The following AMBRA1 variants were observed in gnomAD, a reference collection of about 807,000 sequenced individuals.
The protein encoded by AMBRA1 is activating molecule in BECN1-regulated autophagy protein 1.
In AMBRA1, 47 loss-of-function variants were observed where a neutral mutation model predicts 125.4. That is an observed-to-expected ratio of 0.37 (90% CI 0.30 to 0.48). The LOEUF (loss-of-function observed/expected upper bound fraction) is 0.48. Ranked by LOEUF, AMBRA1 falls within the 20% of genes least tolerant of loss-of-function variation. The probability of loss-of-function intolerance (pLI) is 0.99; values close to 1 mark genes in which losing one functional copy is unlikely to be tolerated. For synonymous variants in AMBRA1, 626 were observed against 655.5 expected, an observed-to-expected ratio of 0.95 and a Z score of 0.69; for missense variants, 1,331 against 1,693.4, an observed-to-expected ratio of 0.79 and a Z score of 3.76.
chr11:46,564,160 A>AG (rs966392937), intron 1 of AMBRA1, among the ~76,000 whole-genome samples: 1 of 151,610 alleles, frequency 6.6e-6, no homozygotes, highest in African/African-American at 2.4e-5. Flanking sequence ...AAAAAAAAAA[A>AG]AAAACGTAAG....
chr11:46,444,110 A>C (rs952000877), intron 11 of AMBRA1, among the ~76,000 whole-genome samples: 4 of 152,230 alleles, frequency 2.6e-5, no homozygotes, highest in African/African-American at 7.2e-5. Flanking sequence ...GGGAAGAGGC[A>C]GCTACTATAC....
intron 1 of AMBRA1, among the ~76,000 whole-genome samples, chr11:46,582,732 C>T (rs1591186765): frequency 6.6e-6 from 1 of 152,024 alleles, no homozygotes; most frequent in Non-Finnish European, 1.5e-5. Context: ...AGAGTACTTA[C>T]GTCATAAGGT....
chr11:46,528,354 A>T (rs1952071571), intron 7 of AMBRA1, among the ~76,000 whole-genome samples: 1 of 152,158 alleles, frequency 6.6e-6, no homozygotes, highest in African/African-American at 2.4e-5. Flanking sequence ...TATTTTTAGT[A>T]CAAATGGAGT....
In AMBRA1 at chr11:46,397,400, C is replaced by G. The variant is rs748784289; in HGVS notation, c.*50G>C. Reference sequence around the variant, plus strand: ...TCCAGTTCCCAGTCAGCTGTGAGGTCCGGTTTCTGCTTGGCGGTTCGAGGG... The same window carrying G: ...TCCAGTTCCCAGTCAGCTGTGAGGTGCGGTTTCTGCTTGGCGGTTCGAGGG... On this transcript the variant is annotated 3_prime_UTR_variant, in exon 18 of 18. Transcript: ENST00000683756. The G allele has an allele frequency of 4.8e-6, 7 of 1,458,026 alleles. No homozygotes were observed. Among genetic ancestry groups the G allele is most frequent in the Non-Finnish European group, 6.3e-6 (7 of 1,103,926 alleles). 90.3% of individuals were successfully genotyped at this position (1,458,026 alleles called of 1,614,324 possible).
At chr11:46,466,262 A>C (rs1036192006) in intron 11 of AMBRA1, among the ~76,000 whole-genome samples, 1 of 151,906 alleles carries the variant, frequency 6.6e-6, no homozygotes, top group African/African-American at 2.4e-5. Flanking sequence ...CAGGAGAATC[A>C]CTTGAACCCA....
chr11:46,536,531 A>G (rs904070920), intron 7 of AMBRA1, among the ~76,000 whole-genome samples: 1 of 152,210 alleles, frequency 6.6e-6, no homozygotes, highest in Non-Finnish European at 1.5e-5. Context: ...CAGAAAAACT[A>G]CTAAATTTGG....
At chr11:46,486,145 T>C (rs934798763) in intron 11 of AMBRA1, among the ~76,000 whole-genome samples, 5 of 152,210 alleles carry the variant, frequency 3.3e-5, no homozygotes, top group Non-Finnish European at 7.3e-5. Flanking sequence ...CCACCACTAA[T>C]TGTCCATTTA....
At chr11:46,481,153 A>G (rs1950049144) in intron 11 of AMBRA1, among the ~76,000 whole-genome samples, 1 of 152,150 alleles carries the variant, frequency 6.6e-6, no homozygotes, top group South Asian at 2.1e-4. Flanking sequence ...CCGTCCCCAG[A>G]CTGATAAGAG....
chr11:46,455,346 G>A (rs1948803968), intron 11 of AMBRA1, among the ~76,000 whole-genome samples: 1 of 152,080 alleles, frequency 6.6e-6, no homozygotes, highest in Non-Finnish European at 1.5e-5. Flanking sequence ...TCTCTCCCCA[G>A]TCCCTGGTCA....
In AMBRA1 at chr11:46,543,348, G is replaced by A; in HGVS notation, c.669C>T (p.Tyr223=). 6.2e-7 allele frequency: 1 copy of A among 1,614,042 alleles called. No individual in the cohort carries two copies. The highest frequency in any genetic ancestry group is 8.5e-7 in the Non-Finnish European group (1 of 1,179,968). Reference sequence around the variant, plus strand: ...GTGATTGCAGGAGGGCACGCTGACGGTAGTGGGATAATTCTGTTCCATCTA... The same window carrying A: ...GTGATTGCAGGAGGGCACGCTGACGATAGTGGGATAATTCTGTTCCATCTA... ...IPIDGTELSH[Y]RQRALLQSQP... is the part of the protein sequence containing the mutation. Residue 223 remains tyrosine (Y), a synonymous_variant, in exon 7 of 18, where the codon TAC becomes TAT. Transcript: ENST00000683756.
chr11:46,419,576 C>T (rs753963704), intron 14 of AMBRA1, among the ~76,000 whole-genome samples: 8 of 152,128 alleles, frequency 5.3e-5, no homozygotes, highest in Admixed American at 1.3e-4. Context: ...CCTATGAAAA[C>T]GACAGGAAGC....
intron 11 of AMBRA1, among the ~76,000 whole-genome samples, chr11:46,480,617 A>G (rs1267234157): frequency 1.3e-5 from 2 of 152,242 alleles, no homozygotes. Flanking sequence ...ATAAAACAAA[A>G]TAATTCATTT....
intron 11 of AMBRA1, among the ~76,000 whole-genome samples, chr11:46,486,889 G>A (rs994736141): frequency 6.6e-6 from 1 of 150,764 alleles, no homozygotes; most frequent in African/African-American, 2.4e-5. Flanking sequence ...CTGGGTGACA[G>A]AACAAGACTC....
At chr11:46,525,706 G>A (rs569380255) in intron 7 of AMBRA1, among the ~76,000 whole-genome samples, 41 of 151,352 alleles carry the variant, frequency 2.7e-4, no homozygotes, top group Non-Finnish European at 4.9e-4. Flanking sequence ...ACCCGAGATC[G>A]TGCCACTGCA....
intron 11 of AMBRA1, among the ~76,000 whole-genome samples, chr11:46,468,487 A>G (rs568082701): frequency 6.6e-6 from 1 of 152,190 alleles, no homozygotes; most frequent in East Asian, 1.9e-4. Context: ...TAGTAGCACA[A>G]GCATCACTCT....
At chr11:46,591,882 T>A in intron 1 of AMBRA1, among the ~76,000 whole-genome samples, 1 of 148,726 alleles carries the variant, frequency 6.7e-6, no homozygotes, top group African/African-American at 2.5e-5. Flanking sequence ...AAAAAAACGC[T>A]CTCTTACTGA....
At chr11:46,541,396 T>C (rs1374055049) in intron 7 of AMBRA1, among the ~76,000 whole-genome samples, 1 of 152,142 alleles carries the variant, frequency 6.6e-6, no homozygotes, top group Non-Finnish European at 1.5e-5. Context: ...AATTGGAATT[T>C]TTCTTGACAT....
intron 7 of AMBRA1, chr11:46,518,348 T>C (rs1016884741): frequency 8.3e-5 from 15 of 179,772 alleles, no homozygotes; most frequent in African/African-American, 3.7e-4. Context: ...GAGAATGGCA[T>C]GAACCTGGGA....
chr11:46,471,526 C>T (rs984478654), intron 11 of AMBRA1, among the ~76,000 whole-genome samples: 7 of 151,440 alleles, frequency 4.6e-5, no homozygotes, highest in African/African-American at 1.5e-4. Context: ...TGCAGTGAGC[C>T]GAGATCGCCC....
Sources: gnomAD v4.1 joint callset for allele counts (sites outside exome capture counted in the v4.1 genomes callset) on GRCh38, gnomAD v4.1.1 for gene constraint, MANE v1.5 for transcripts, NCBI Gene and HGNC (gene_info 2026-07-23, HGNC 2026-07-21) for gene names.